MGAM2: variants seen among roughly 807,000 people sequenced by gnomAD.
The protein encoded by MGAM2 is probable maltase-glucoamylase 2.
Under a neutral mutation model 96.1 loss-of-function variants are expected in MGAM2, and 98 were observed. The observed-to-expected ratio is 1.02, with a 90% CI of 0.87 to 1.21. The LOEUF (loss-of-function observed/expected upper bound fraction) is 1.21. Among genes scored for constraint, MGAM2 ranks in the 50% most tolerant of loss-of-function variants. MGAM2 has a pLI of 0.00. For missense variants in MGAM2, 2,055 were observed against 1,182.4 expected, an observed-to-expected ratio of 1.74 and a Z score of -10.82; for synonymous variants, 749 against 414.8, an observed-to-expected ratio of 1.81 and a Z score of -9.79.
intron 23 of MGAM2, among the ~76,000 whole-genome samples, chr7:142,162,381 A>C (rs1267678902): frequency 4.6e-5 from 7 of 152,112 alleles, no homozygotes; most frequent in African/African-American, 1.7e-4. Context: ...CCTTTGTAGC[A>C]CGTAAAACTT....
intron 24 of MGAM2, among the ~76,000 whole-genome samples, chr7:142,165,818 G>T (rs953281445): frequency 1.3e-5 from 2 of 152,086 alleles, no homozygotes; most frequent in Non-Finnish European, 2.9e-5. Flanking sequence ...TATTAAATTG[G>T]TAAGCATCAC....
At chr7:142,161,008 C>G (rs1480782726) in intron 21 of MGAM2, 117 bp from the exon 22 acceptor site, 1 of 577,434 alleles carries the variant, frequency 1.7e-6, no homozygotes, top group African/African-American at 1.9e-5. Flanking sequence ...ATATCAACAT[C>G]TACTCAGTTT....
At chr7:142,187,651 T>C in intron 35 of MGAM2, 99 bp from the exon 36 acceptor site, 3 of 634,854 alleles carry the variant, frequency 4.7e-6, no homozygotes, top group Non-Finnish European at 8.6e-6. Context: ...CCAGCTGAGC[T>C]GAGGGCTTCA....
intron 46 of MGAM2, among the ~76,000 whole-genome samples, chr7:142,212,500 G>A (rs571413274): frequency 5.1e-4 from 77 of 152,282 alleles, no homozygotes; most frequent in Non-Finnish European, 8.2e-4. Flanking sequence ...ATAAAGGGAT[G>A]GAGGAAGATT....
intron 45 of MGAM2, among the ~76,000 whole-genome samples, chr7:142,201,071 C>CTTTTTTTTTTTTTTTTTTTTTTTTTT (rs72092512): frequency 5.9e-5 from 5 of 84,362 alleles, no homozygotes; most frequent in Non-Finnish European, 8.5e-5. Context: ...CATCCTTTTT[C>CTTTTTTTTTTTTTTTTTTTTTTTTTT]TTTTTTTTTT....
chr7:142,126,299 TG>T (rs1270988850), intron 3 of MGAM2, among the ~76,000 whole-genome samples: 1 of 152,110 alleles, frequency 6.6e-6, no homozygotes. Flanking sequence ...CGCACATCTA[TG>T]TTTTTTAAAT....
At position 142,199,919 on chromosome 7, in the gene MGAM2, C is replaced by T. The variant is rs894821568; in HGVS notation, c.5088C>T (p.Asp1696=). The T allele has an allele frequency of 1.2e-5, 8 of 684,762 alleles. No individual in the cohort carries two copies. The African/African-American group carries it at 1.5e-4, about 13-fold the overall frequency. The allele number at this position is 684,762 out of a possible 1,614,324, so 42.4% of individuals were successfully genotyped here. The change falls in exon 45 of 48, where the codon GAC becomes GAT. Residue 1696 remains aspartate, a synonymous_variant. Transcript: ENST00000477922. ...NFMGLIVALD[D]NGTAEGQVFW... is the part of the protein sequence containing the mutation. ...TGGGATTGATTGTTGCTTTGGATGA[C>T]AATGGGACAGCTGAAGGCCAGGTGT...
chr7:142,123,498 C>T (rs1326892013), intron 3 of MGAM2, among the ~76,000 whole-genome samples: 2 of 152,070 alleles, frequency 1.3e-5, no homozygotes, highest in African/African-American at 4.8e-5. Flanking sequence ...TCAATTTAAC[C>T]ATTCTATGGT....
At chr7:142,210,895 A>C (rs1797562032) in intron 46 of MGAM2, among the ~76,000 whole-genome samples, 1 of 152,216 alleles carries the variant, frequency 6.6e-6, no homozygotes, top group Non-Finnish European at 1.5e-5. Flanking sequence ...CCTGACAGGG[A>C]GATACCTCCC....
rs376919749 is a variant in MGAM2 at position 142,173,105 on chromosome 7, A to G, written c.3562-124A>G. 42 of 560,742 alleles carry G rather than the reference A, an allele frequency of 7.5e-5. 1 individual carries two copies. Among genetic ancestry groups the G allele is most frequent in the African/African-American group, 2.2e-4 (12 of 53,680 alleles). The allele number at this position is 560,742 out of a possible 1,614,324, so 34.7% of individuals were successfully genotyped here. A position where few individuals can be genotyped will look rare whatever the true frequency, so the allele number is the denominator to read the frequency against. On this transcript the variant is annotated intron_variant, in intron 30 of 47. Transcript: ENST00000477922. ...TGCTCCACATTTGTTGGACTTTCTT[A>G]TCTTTCTTGGGTGAGGCCTCTTATA...
At chr7:142,180,919 G>T (rs1796518239) in intron 32 of MGAM2, among the ~76,000 whole-genome samples, 1 of 152,092 alleles carries the variant, frequency 6.6e-6, no homozygotes, top group Admixed American at 6.5e-5. Context: ...AGTTAAAATG[G>T]CTGTGTTATC....
intron 3 of MGAM2, among the ~76,000 whole-genome samples, chr7:142,124,122 G>A (rs893211282): frequency 6.6e-6 from 1 of 151,794 alleles, no homozygotes; most frequent in Non-Finnish European, 1.5e-5. Context: ...ATAGGCACCC[G>A]CTATCATGCC....
intron 12 of MGAM2, among the ~76,000 whole-genome samples, chr7:142,143,330 A>G (rs1056421864): frequency 2.0e-5 from 3 of 152,204 alleles, no homozygotes; most frequent in Non-Finnish European, 4.4e-5. Flanking sequence ...TCAACCATTT[A>G]TAAAATATTG....
chr7:142,123,469 C>G (rs1290322211), intron 3 of MGAM2, among the ~76,000 whole-genome samples: 3 of 152,084 alleles, frequency 2.0e-5, no homozygotes, highest in African/African-American at 7.2e-5. Flanking sequence ...CTAATCAACG[C>G]TTGGTGTTTT....
rs113432033 is a variant in MGAM2 at position 142,154,226 on chromosome 7, T to A, written c.1806+37T>A. On this transcript the variant is annotated intron_variant, in intron 16 of 47. Coordinates refer to ENST00000477922, the MANE Select transcript of MGAM2 (RefSeq NM_001293626.2). ...TTCCAACCAGGGAACTTTAACCCTTTGTCTGTTGACATTCTTTTAATTAGC... is the reference window on the plus strand; with the variant it reads ...TTCCAACCAGGGAACTTTAACCCTTAGTCTGTTGACATTCTTTTAATTAGC... 1.8e-3 allele frequency: 1,001 copies of A among 546,878 alleles called. 4 individuals are homozygous for A. Among genetic ancestry groups the A allele is most frequent in the African/African-American group, 0.017 (912 of 53,976 alleles). 33.9% of individuals were successfully genotyped at this position (546,878 alleles called of 1,614,324 possible). A position where few individuals can be genotyped will look rare whatever the true frequency, so the allele number is the denominator to read the frequency against.
At chr7:142,131,116 C>A (rs1387265221) in intron 4 of MGAM2, 45 bp downstream of exon 4, 1 of 688,992 alleles carries the variant, frequency 1.5e-6, no homozygotes, top group African/African-American at 1.8e-5. Flanking sequence ...CTCCTTATGG[C>A]CCAGATACGT....
chr7:142,213,070 G>T (rs1317003256), intron 46 of MGAM2, among the ~76,000 whole-genome samples: 2 of 152,156 alleles, frequency 1.3e-5, no homozygotes, highest in African/African-American at 4.8e-5. Flanking sequence ...TGAACAACCT[G>T]CTCCTGGATG....
chr7:142,161,758 A>C (rs775589160), intron 22 of MGAM2, among the ~76,000 whole-genome samples, 197 bp from the exon 23 acceptor site: 1 of 152,220 alleles, frequency 6.6e-6, no homozygotes, highest in Non-Finnish European at 1.5e-5. Flanking sequence ...TGCCAGCGAA[A>C]TGGTACCACA....
chr7:142,170,185 T>A lies in MGAM2; in HGVS notation c.3138T>A (p.Asn1046Lys), dbSNP rs890211024. 1 of 702,692 alleles carries A rather than the reference T, an allele frequency of 1.4e-6. No individual in the cohort carries two copies. The highest frequency in any genetic ancestry group is 2.6e-6 in the Non-Finnish European group (1 of 384,826). 43.5% of individuals were successfully genotyped at this position (702,692 alleles called of 1,614,324 possible). ...TGTATGATGTCAGGATTCAGAACAA[T>A]CCTTTTGGAATCCAGATTCAACGCA... ...NRLYDVRIQN[N>K]PFGIQIQRKN... The change falls in exon 27 of 48, where the codon AAT (asparagine) becomes AAA (lysine). Residue 1046 changes from asparagine to lysine, a missense_variant. By Grantham distance (94) the Asn-to-Lys change is moderately conservative. Coordinates refer to ENST00000477922, the MANE Select transcript of MGAM2 (RefSeq NM_001293626.2).
Sources: allele counts gnomAD v4.1 joint callset (sites outside exome capture counted in the v4.1 genomes callset), GRCh38; gene constraint gnomAD v4.1.1; transcripts MANE v1.5; gene names NCBI Gene and HGNC (gene_info 2026-07-23, HGNC 2026-07-21).